PPARGC1A: variants seen among roughly 807,000 people sequenced by gnomAD.
PPARGC1A encodes PPARG coactivator 1 alpha, also known as peroxisome proliferator-activated receptor gamma coactivator 1-alpha.
In PPARGC1A, 25 loss-of-function variants were observed where a neutral mutation model predicts 88.7. The observed-to-expected ratio is 0.28, with a 90% confidence interval of 0.21 to 0.39. The LOEUF (loss-of-function observed/expected upper bound fraction) is 0.39, where lower values mean the gene tolerates loss of function less well. PPARGC1A is among the 10% of genes least tolerant of loss of function. The pLI is 1.00. For missense variants in PPARGC1A, 880 were observed against 968.7 expected (o/e 0.91, Z 1.22); for synonymous variants, 363 against 355.6 (o/e 1.02, Z -0.24).
At chr4:24,058,110 A>G in the PPARGC1A span, among the ~76,000 whole-genome samples, 2,179 of 152,272 alleles carry the variant, frequency 0.014, 54 homozygotes, top group African/African-American at 0.049. Flanking sequence ...TAGCATCTTC[A>G]CGTGGTACCC....
the PPARGC1A span, among the ~76,000 whole-genome samples, chr4:24,355,304 G>A: frequency 6.6e-6 from 1 of 152,162 alleles, no homozygotes; most frequent in African/African-American, 2.4e-5. Context: ...AGCTAAGCAG[G>A]CAGCAGTGCC....
At chr4:24,087,497 A>C in the PPARGC1A span, among the ~76,000 whole-genome samples, 1 of 152,222 alleles carries the variant, frequency 6.6e-6, no homozygotes, top group Non-Finnish European at 1.5e-5. Flanking sequence ...TTATCCAGAC[A>C]TGAGTCCTTG....
intron 5 of PPARGC1A, among the ~76,000 whole-genome samples, chr4:23,827,921 CAAG>C (rs958762059): frequency 7.2e-5 from 11 of 151,948 alleles, no homozygotes; most frequent in South Asian, 6.2e-4. Flanking sequence ...GAAGAAAGAA[CAAG>C]AAGAATTAGA....
chr4:24,276,458 A>G, the PPARGC1A span, among the ~76,000 whole-genome samples: 13 of 152,128 alleles, frequency 8.5e-5, no homozygotes, highest in Admixed American at 6.5e-4. Flanking sequence ...CTTGAGTCCT[A>G]TTCTAAACCT....
chr4:24,351,501 A>G, the PPARGC1A span, among the ~76,000 whole-genome samples: 1 of 152,196 alleles, frequency 6.6e-6, no homozygotes. Flanking sequence ...TGATTTGTTG[A>G]AAGCAGGTTT....
At chr4:24,002,223 G>A in the PPARGC1A span, among the ~76,000 whole-genome samples, 2 of 152,008 alleles carry the variant, frequency 1.3e-5, no homozygotes, top group African/African-American at 4.8e-5. Context: ...GCCTCCTGGG[G>A]TTCAAGCCAT....
chr4:24,386,038 T>A, the PPARGC1A span, among the ~76,000 whole-genome samples: 2 of 152,180 alleles, frequency 1.3e-5, no homozygotes, highest in South Asian at 2.1e-4. Flanking sequence ...AAAAAGCTTA[T>A]CAACCATGAT....
the PPARGC1A span, among the ~76,000 whole-genome samples, chr4:24,457,152 T>C: frequency 6.6e-6 from 1 of 152,092 alleles, no homozygotes; most frequent in Non-Finnish European, 1.5e-5. Flanking sequence ...TTGGAAGCAA[T>C]AGTGACCACA....
the PPARGC1A span, among the ~76,000 whole-genome samples, chr4:24,260,333 T>C: frequency 4.3e-4 from 66 of 152,186 alleles, no homozygotes; most frequent in Admixed American, 8.5e-4. Flanking sequence ...ATGACAGACA[T>C]GCAAAGAAAG....
the PPARGC1A span, among the ~76,000 whole-genome samples, chr4:24,384,518 A>C: frequency 2.6e-5 from 4 of 151,798 alleles, no homozygotes; most frequent in South Asian, 8.4e-4. Flanking sequence ...ATAGGCTCAA[A>C]ATAAACGGAT....
the PPARGC1A span, among the ~76,000 whole-genome samples, chr4:24,336,964 A>C: frequency 1.3e-5 from 2 of 152,204 alleles, no homozygotes; most frequent in East Asian, 3.8e-4. Context: ...GACTTTGTGC[A>C]AAAAGTTATT....
chr4:24,357,524 C>A, the PPARGC1A span, among the ~76,000 whole-genome samples: 1 of 152,222 alleles, frequency 6.6e-6, no homozygotes, highest in South Asian at 2.1e-4. Context: ...CTAAAATAGT[C>A]TGGGTTGAAG....
the PPARGC1A span, among the ~76,000 whole-genome samples, chr4:24,466,901 G>GAGGA: frequency 0.022 from 1,289 of 58,842 alleles, 45 homozygotes; most frequent in African/African-American, 0.076. Context: ...AAAAAAAAAA[G>GAGGA]AGGAAGGAAG....
chr4:24,166,663 G>C, the PPARGC1A span, among the ~76,000 whole-genome samples: 1 of 152,142 alleles, frequency 6.6e-6, no homozygotes, highest in South Asian at 2.1e-4. Context: ...CAGATAATGA[G>C]GGCCCTTAAG....
chr4:23,856,696 C>A (rs1304752161), intron 2 of PPARGC1A, among the ~76,000 whole-genome samples: 1 of 152,100 alleles, frequency 6.6e-6, no homozygotes, highest in South Asian at 2.1e-4. Context: ...ATGCAAGATA[C>A]AGTGGCCTAT....
chr4:23,856,150 C>T (rs981585451), intron 2 of PPARGC1A, among the ~76,000 whole-genome samples: 2 of 152,126 alleles, frequency 1.3e-5, no homozygotes, highest in African/African-American at 4.8e-5. Flanking sequence ...CCATAGAGCT[C>T]CCACAGTATA....
the PPARGC1A span, among the ~76,000 whole-genome samples, chr4:24,444,632 G>C: frequency 1.3e-5 from 2 of 152,184 alleles, no homozygotes; most frequent in South Asian, 4.1e-4. Context: ...CAGAAGGTGA[G>C]AGATTGATGT....
the PPARGC1A span, among the ~76,000 whole-genome samples, chr4:24,116,764 A>C: frequency 6.6e-6 from 1 of 152,178 alleles, no homozygotes; most frequent in South Asian, 2.1e-4. Context: ...GGCTGAAACT[A>C]AAGCTCAGAC....
the PPARGC1A span, among the ~76,000 whole-genome samples, chr4:24,201,258 G>T: frequency 2.6e-5 from 4 of 152,138 alleles, no homozygotes; most frequent in Admixed American, 6.5e-5. Flanking sequence ...AGTTGTCAAG[G>T]TCTAAAAAAG....
Sources: allele counts gnomAD v4.1 joint callset (sites outside exome capture counted in the v4.1 genomes callset), GRCh38; gene constraint gnomAD v4.1.1; transcripts MANE v1.5; gene names NCBI Gene and HGNC (gene_info 2026-07-23, HGNC 2026-07-21).